The following TRIP12 variants were observed in gnomAD, a reference collection of about 807,000 sequenced individuals.
TRIP12 encodes the protein thyroid hormone receptor interactor 12.
In TRIP12, 25 loss-of-function variants were observed where a neutral mutation model predicts 244.2. The observed-to-expected ratio is 0.10, with a 90% confidence interval of 0.07 to 0.14. TRIP12 has a LOEUF of 0.14. Ranked by LOEUF, TRIP12 falls within the 10% of genes least tolerant of loss-of-function variation. The pLI, the probability that TRIP12 is intolerant of heterozygous loss-of-function variation, is 1.00. For missense variants in TRIP12, 1,677 were observed against 2,486.4 expected, an observed-to-expected ratio of 0.67 and a Z score of 6.92; for synonymous variants, 905 against 873.1, an observed-to-expected ratio of 1.04 and a Z score of -0.64.
In TRIP12 at chr2:229,778,772, G is replaced by A; in HGVS notation, c.5209+104C>T. On this transcript the variant is annotated intron_variant, in intron 35 of 41. Transcript: ENST00000675903. This position sits in a 1 kb window ranked among gnomAD's most constrained non-coding sequence, Gnocchi z 4.1. ...ATGAGAAAACAGAGGCTAAAAGAAA[G>A]CAAGTACAGCTGTCCATTAGAAATT... The A allele has an allele frequency of 6.7e-6, 9 of 1,346,976 alleles. No individual in the cohort carries two copies. Among genetic ancestry groups the A allele is most frequent in the Non-Finnish European group, 9.3e-6 (9 of 967,870 alleles). The allele number at this position is 1,346,976 out of a possible 1,614,324, so 83.4% of individuals were successfully genotyped here.
chr2:229,785,277 C>T (rs75796737), intron 34 of TRIP12, among the ~76,000 whole-genome samples: 3,928 of 152,182 alleles, frequency 0.026, 158 homozygotes, highest in African/African-American at 0.09. Flanking sequence ...TTATCAAGGG[C>T]TGAGGATGGG....
intron 1 of TRIP12, among the ~76,000 whole-genome samples, chr2:229,919,871 T>TA (rs2154384114): frequency 6.6e-6 from 1 of 152,322 alleles, no homozygotes; most frequent in Non-Finnish European, 1.5e-5. Context: ...CTCACAAAGA[T>TA]AGTCACAGCA....
At position 229,785,829 on chromosome 2, in the gene TRIP12, C is replaced by T. The variant is rs368855179; in HGVS notation, c.5022G>A (p.Leu1674=). The T allele has an allele frequency of 2.1e-5, 34 of 1,613,664 alleles. No homozygotes were observed. Among genetic ancestry groups the T allele is most frequent in the Non-Finnish European group, 2.7e-5 (32 of 1,179,864 alleles). ...KKRTVNREEL[L]KQAESVMQDL... The stretch of plus-strand genomic sequence containing the variant: ...CCTGCATCACAGACTCCGCCTGTTT[C>T]AGCAGCTCCTCTCGGTTCACAGTAC... Residue 1674 remains leucine, a synonymous_variant, in exon 34 of 42, where the codon CTG becomes CTA. Transcript: ENST00000675903.
intron 2 of TRIP12, among the ~76,000 whole-genome samples, chr2:229,872,748 C>G (rs186821876): frequency 2.5e-4 from 38 of 152,310 alleles, no homozygotes; most frequent in Admixed American, 1.2e-3. Context: ...AAACTCTGCA[C>G]CTTCTACAAA....
chr2:229,799,586 C>T (rs891357149), intron 21 of TRIP12, among the ~76,000 whole-genome samples: 15 of 152,220 alleles, frequency 9.9e-5, no homozygotes, highest in African/African-American at 3.1e-4. Context: ...ACCATCCTGG[C>T]TAACATGGTG....
chr2:229,812,815 A>G (rs137975758), intron 13 of TRIP12, among the ~76,000 whole-genome samples: 5 of 149,340 alleles, frequency 3.3e-5, no homozygotes, highest in East Asian at 3.9e-4. Flanking sequence ...ACAAAAACAA[A>G]ACAGAACAAA....
intron 5 of TRIP12, among the ~76,000 whole-genome samples, chr2:229,839,400 G>A (rs530076420): frequency 5.9e-5 from 9 of 152,138 alleles, no homozygotes; most frequent in East Asian, 1.9e-4. Flanking sequence ...ATGACTGGCC[G>A]GGCACGGTGG....
In TRIP12 at chr2:229,847,513, A is replaced by T. The variant is rs527912103; in HGVS notation, c.1028-6586T>A. Among the ~76,000 whole-genome samples the T allele has an allele frequency of 6.6e-5, 10 of 152,376 alleles. No individual in the cohort carries two copies. The South Asian group carries it at 1.9e-3, about 28-fold the overall frequency. On this transcript the variant is annotated intron_variant, in intron 4 of 41. Transcript: ENST00000675903. ...ATACAGCATTAAAACAATCTGAGAC[A>T]TAAATCTACAAGGATGAGAAGAATG...
At chr2:229,807,573 G>A in intron 17 of TRIP12, 135 bp downstream of exon 17, 2 of 1,152,234 alleles carry the variant, frequency 1.7e-6, no homozygotes, top group Non-Finnish European at 2.6e-6. Flanking sequence ...CTTGTTCTCA[G>A]GAGACAAAAT....
At chr2:229,799,118 A>G (rs1384327274) in intron 22 of TRIP12, 69 bp from the exon 23 acceptor site, 1 of 1,579,870 alleles carries the variant, frequency 6.3e-7, no homozygotes, top group African/African-American at 1.4e-5. Flanking sequence ...CTGATTTTTA[A>G]GATTCACAGT....
intron 1 of TRIP12, among the ~76,000 whole-genome samples, chr2:229,896,754 A>T (rs2068949634): frequency 6.6e-6 from 1 of 152,210 alleles, no homozygotes; most frequent in Non-Finnish European, 1.5e-5. Flanking sequence ...AAGAAACAAG[A>T]ATACAGAATG....
chr2:229,820,964 T>C (rs1028775917), intron 8 of TRIP12, among the ~76,000 whole-genome samples: 1 of 152,178 alleles, frequency 6.6e-6, no homozygotes, highest in Non-Finnish European at 1.5e-5. Context: ...CTGTATTTAT[T>C]TTTAAAATCC....
At chr2:229,795,153 G>T (rs1157326161) in intron 26 of TRIP12, 26 bp downstream of exon 26, 1 of 1,602,522 alleles carries the variant, frequency 6.2e-7, no homozygotes, top group South Asian at 1.1e-5. Context: ...CCAGTGGCAA[G>T]GGTATAGCCA....
At chr2:229,872,491 G>C (rs1034440978) in intron 2 of TRIP12, among the ~76,000 whole-genome samples, 3 of 152,104 alleles carry the variant, frequency 2.0e-5, no homozygotes, top group Admixed American at 6.5e-5. Flanking sequence ...TTGAACTCGG[G>C]AGGCAGAGGT....
At chr2:229,769,405 C>A in intron 39 of TRIP12, 80 bp from the exon 40 acceptor site, 1 of 1,274,954 alleles carries the variant, frequency 7.8e-7, no homozygotes, top group Non-Finnish European at 1.1e-6. Flanking sequence ...CTACGTGTAC[C>A]ATAAAAGAGT....
At chr2:229,777,755 TG>T (rs1177683681) in intron 36 of TRIP12, among the ~76,000 whole-genome samples, 2 of 152,196 alleles carry the variant, frequency 1.3e-5, no homozygotes, top group Admixed American at 1.3e-4. Flanking sequence ...GAAAACTAAA[TG>T]GAACTTCTAA....
chr2:229,815,224 A>G (rs1345139263), intron 10 of TRIP12, 30 bp from the exon 11 acceptor site: 10 of 1,584,090 alleles, frequency 6.3e-6, no homozygotes, highest in Non-Finnish European at 8.6e-6. Flanking sequence ...AATGAGTAAA[A>G]ACTCAAAACT....
chr2:229,852,185 G>A (rs781680738), intron 4 of TRIP12, among the ~76,000 whole-genome samples: 5 of 152,156 alleles, frequency 3.3e-5, no homozygotes, highest in Admixed American at 1.3e-4. Flanking sequence ...TACTAATAAC[G>A]TGCACATGAT....
intron 4 of TRIP12, among the ~76,000 whole-genome samples, chr2:229,853,911 G>A (rs1438813199): frequency 2.0e-5 from 3 of 152,094 alleles, no homozygotes; most frequent in African/African-American, 7.2e-5. Context: ...ACTATGAGGA[G>A]ATAATATTTT....
Sources: allele counts gnomAD v4.1 joint callset (sites outside exome capture counted in the v4.1 genomes callset), GRCh38; gene constraint gnomAD v4.1.1; non-coding constraint Gnocchi (gnomAD v3.1); transcripts MANE v1.5; gene names NCBI Gene and HGNC (gene_info 2026-07-23, HGNC 2026-07-21).